The following ARHGAP26 variants were observed in gnomAD, a reference collection of about 807,000 sequenced individuals.
The protein encoded by ARHGAP26 is rho GTPase-activating protein 26.
ARHGAP26 carries 38 observed loss-of-function variants against 104.8 expected under a neutral mutation model. The ratio of observed to expected loss-of-function variants is 0.36; its 90% CI spans 0.28 to 0.48. The LOEUF is 0.48. Among genes scored for constraint, ARHGAP26 ranks in the 20% least tolerant of loss-of-function variants. The pLI is 0.99. For missense variants in ARHGAP26, 704 were observed against 947.9 expected (o/e 0.74, Z 3.38); for synonymous variants, 341 against 340.0 (o/e 1.00, Z -0.03).
chr5:142,899,016 C>A (rs1287278182), intron 6 of ARHGAP26, among the ~76,000 whole-genome samples: 1 of 152,220 alleles, frequency 6.6e-6, no homozygotes, highest in African/African-American at 2.4e-5. Flanking sequence ...TTCCTCCTAG[C>A]TTCCCGTGGC....
intron 1 of ARHGAP26, among the ~76,000 whole-genome samples, chr5:142,828,395 TA>T (rs1304880167): frequency 6.6e-6 from 1 of 152,198 alleles, no homozygotes; most frequent in Non-Finnish European, 1.5e-5. Flanking sequence ...CATTATGACT[TA>T]AGTTTTTTTT....
intron 14 of ARHGAP26, among the ~76,000 whole-genome samples, chr5:143,046,304 A>C (rs988087239): frequency 1.3e-5 from 2 of 151,206 alleles, no homozygotes; most frequent in African/African-American, 4.9e-5. Context: ...ACTCAGTCTC[A>C]AAAAAAAAGG....
intron 12 of ARHGAP26, among the ~76,000 whole-genome samples, chr5:143,027,596 T>C (rs1400258119): frequency 6.6e-6 from 1 of 152,210 alleles, no homozygotes; most frequent in Non-Finnish European, 1.5e-5. Context: ...TATTTTGCTA[T>C]GTGTGATAAA....
rs184453589 is a variant in ARHGAP26, at chr5:143,154,096, A to G, written c.1988+6715A>G. Among the ~76,000 whole-genome samples, 371 of 151,746 alleles carry G rather than the reference A, an allele frequency of 2.4e-3. 3 individuals carry two copies. The highest frequency in any genetic ancestry group is 8.0e-3 in the African/African-American group (332 of 41,300). On this transcript the variant is annotated intron_variant, in intron 20 of 22. Coordinates refer to ENST00000645722, the MANE Select transcript of ARHGAP26 (RefSeq NM_001135608.3). ...GTCAACATTCATTCCACAAATGTCA[A>G]TTGAACTCCTACTGTGGGCCTGGTG...
chr5:142,855,019 C>T (rs935943420), intron 1 of ARHGAP26, among the ~76,000 whole-genome samples: 2 of 152,062 alleles, frequency 1.3e-5, no homozygotes, highest in African/African-American at 2.4e-5. Flanking sequence ...TGTTTAGAGT[C>T]AGCTCTGGGT....
intron 11 of ARHGAP26, among the ~76,000 whole-genome samples, chr5:142,972,200 CA>C (rs2152703552): frequency 6.7e-6 from 1 of 150,070 alleles, no homozygotes. Flanking sequence ...AAAAAAGATA[CA>C]GTTGTGAGGT....
intron 17 of ARHGAP26, among the ~76,000 whole-genome samples, chr5:143,107,380 C>G (rs1794170888): frequency 6.6e-6 from 1 of 152,172 alleles, no homozygotes; most frequent in Admixed American, 6.5e-5. Flanking sequence ...GATTGGTCTG[C>G]TAAAGTCAGT....
intron 11 of ARHGAP26, among the ~76,000 whole-genome samples, chr5:142,987,824 C>T (rs1018513059): frequency 1.2e-4 from 18 of 152,316 alleles, no homozygotes; most frequent in African/African-American, 3.6e-4. Context: ...ATTGAACCAG[C>T]CTTGCATCCC....
intron 18 of ARHGAP26, among the ~76,000 whole-genome samples, chr5:143,130,108 T>A (rs1797154938): frequency 6.6e-6 from 1 of 152,076 alleles, no homozygotes; most frequent in Non-Finnish European, 1.5e-5. Context: ...GCCCACTGAA[T>A]GAGAAGCAGA....
intron 3 of ARHGAP26, among the ~76,000 whole-genome samples, chr5:142,875,930 A>C (rs1443232302): frequency 1.3e-5 from 2 of 152,152 alleles, no homozygotes; most frequent in East Asian, 3.9e-4. Context: ...TTTTGTAGAG[A>C]TGAGGTCTTG....
chr5:142,910,448 AGAGACC>A, intron 9 of ARHGAP26, among the ~76,000 whole-genome samples: 1 of 152,376 alleles, frequency 6.6e-6, no homozygotes, highest in Non-Finnish European at 1.5e-5. Flanking sequence ...TTTTAAAAAT[AGAGACC>A]GAGGCCGGAT....
At chr5:142,882,996 C>A (rs1273446824) in intron 4 of ARHGAP26, among the ~76,000 whole-genome samples, 1 of 152,226 alleles carries the variant, frequency 6.6e-6, no homozygotes, top group African/African-American at 2.4e-5. Flanking sequence ...TGAAAACCAT[C>A]TTGTGTCCTG....
At chr5:143,114,326 C>T (rs747980415) in intron 17 of ARHGAP26, among the ~76,000 whole-genome samples, 28 of 152,136 alleles carry the variant, frequency 1.8e-4, no homozygotes, top group Admixed American at 3.9e-4. Context: ...GCCTCCTCAG[C>T]GCTGTTTGGA....
At chr5:143,207,670 T>C (rs1473536498) in intron 21 of ARHGAP26, among the ~76,000 whole-genome samples, 1 of 152,230 alleles carries the variant, frequency 6.6e-6, no homozygotes, top group Non-Finnish European at 1.5e-5. Flanking sequence ...CTCTGGTGCC[T>C]AGAGTTAGGG....
At chr5:143,072,486 AAAT>A (rs1207107551) in intron 17 of ARHGAP26, among the ~76,000 whole-genome samples, 1 of 152,244 alleles carries the variant, frequency 6.6e-6, no homozygotes, top group Non-Finnish European at 1.5e-5. Context: ...ATGATAACCA[AAAT>A]ATGGTACCAA....
intron 17 of ARHGAP26, among the ~76,000 whole-genome samples, chr5:143,059,513 T>A (rs905951487): frequency 6.6e-6 from 1 of 152,236 alleles, no homozygotes; most frequent in African/African-American, 2.4e-5. Flanking sequence ...CAGTTGAACT[T>A]GTTCATCTCC....
At chr5:142,816,036 C>T (rs995551437) in intron 1 of ARHGAP26, among the ~76,000 whole-genome samples, 3 of 152,022 alleles carry the variant, frequency 2.0e-5, no homozygotes, top group African/African-American at 7.3e-5. Context: ...GGGCTGAAGC[C>T]GTCCACCCGC....
intron 1 of ARHGAP26, among the ~76,000 whole-genome samples, chr5:142,774,722 G>C (rs1353587361): frequency 6.6e-6 from 1 of 151,994 alleles, no homozygotes; most frequent in East Asian, 1.9e-4. Context: ...AAAATCCTAT[G>C]TGCTCCACCT....
At chr5:142,786,941 G>T (rs1758789079) in intron 1 of ARHGAP26, among the ~76,000 whole-genome samples, 1 of 152,072 alleles carries the variant, frequency 6.6e-6, no homozygotes, top group African/African-American at 2.4e-5. Context: ...CACTGCGTCC[G>T]GCTTGGATTT....
Sources: allele counts gnomAD v4.1 joint callset (sites outside exome capture counted in the v4.1 genomes callset), GRCh38; gene constraint gnomAD v4.1.1; transcripts MANE v1.5; gene names NCBI Gene and HGNC (gene_info 2026-07-23, HGNC 2026-07-21).